Variants in RIF1 observed in about 807,000 individuals in gnomAD.
RIF1 encodes replication timing regulatory factor 1.
A neutral mutation model predicts 247.1 loss-of-function variants in RIF1; 45 were observed. The observed-to-expected ratio is 0.18, with a 90% confidence interval of 0.14 to 0.23. RIF1 has a LOEUF of 0.23. RIF1 is among the 10% of genes least tolerant of loss of function. RIF1 has a pLI of 1.00. For synonymous variants in RIF1, 1,087 were observed against 978.8 expected (o/e 1.11, Z -2.06); for missense variants, 2,967 against 2,862.5 (o/e 1.04, Z -0.83).
Position 151,465,180 on chromosome 2 carries a change from C to T in RIF1, c.5660C>T (p.Thr1887Ile), listed in dbSNP as rs1214758614. 1 of 1,612,888 alleles carries T rather than the reference C, an allele frequency of 6.2e-7. No individual in the cohort carries two copies. The highest frequency in any genetic ancestry group is 8.5e-7 in the Non-Finnish European group (1 of 1,179,780). ...LETKEEKPEETPKMELSLENV... is the reference protein window; with the variant it reads ...LETKEEKPEEIPKMELSLENV... ...ACAAAAGAAGAAAAACCAGAAGAAA[C>T]CCCAAAAATGGAACTGAGTCTAGAG... The change falls in exon 30 of 36, where the codon ACC (threonine) becomes ATC (isoleucine). Residue 1887 changes from threonine to isoleucine, a missense_variant. By Grantham distance (89) the Thr-to-Ile change is moderately conservative. Transcript: ENST00000444746.
At chr2:151,467,802 T>C (rs1184213169) in intron 30 of RIF1, among the ~76,000 whole-genome samples, 198 bp from the exon 31 acceptor site, 1 of 152,118 alleles carries the variant, frequency 6.6e-6, no homozygotes, top group Non-Finnish European at 1.5e-5. Flanking sequence ...GTTTAAAATA[T>C]AGAAAATTAG....
At chr2:151,498,306 G>C in intron 10 of RIF1, 1 of 1,551,478 alleles carries the variant, frequency 6.4e-7, no homozygotes, top group Non-Finnish European at 8.7e-7. Flanking sequence ...CATCTCAGGA[G>C]TGATGGGGAT....
chr2:151,509,494 G>A (rs2072255931), downstream of RIF1, among the ~76,000 whole-genome samples: 2 of 152,196 alleles, frequency 1.3e-5, no homozygotes, highest in South Asian at 4.1e-4. Flanking sequence ...CACAGAACTT[G>A]GATGTATTCT....
chr2:151,524,576 G>T, the RIF1 span: 1 of 1,611,426 alleles, frequency 6.2e-7, no homozygotes, highest in Non-Finnish European at 8.5e-7. Flanking sequence ...AGCCACTGTG[G>T]TGTAATGCAG....
chr2:151,534,195 G>A, the RIF1 span: 57 of 1,597,238 alleles, frequency 3.6e-5, no homozygotes, highest in East Asian at 8.9e-5. Context: ...CTGGGCCACC[G>A]GCCAGCCCCA....
rs758426581 is a variant in RIF1, at chr2:151,494,191, T to C, written c.*416-1038T>C. On this transcript the variant is annotated intron_variant and NMD_transcript_variant, in intron 9 of 13. Coordinates refer to the RIF1 transcript ENST00000454583. The stretch of plus-strand genomic sequence containing the variant: ...TAATGTTTTCTTGATTGCGTTTGAC[T>C]CTCTGCATCTCAGGAGTGACAGGGG... The C allele has an allele frequency of 2.2e-5, 35 of 1,608,232 alleles. No homozygotes were observed. The highest frequency in any genetic ancestry group is 4.5e-5 in the South Asian group (4 of 89,688).
At chr2:151,435,384 G>T in intron 10 of RIF1, 79 bp from the exon 11 acceptor site, 1 of 816,784 alleles carries the variant, frequency 1.2e-6, no homozygotes, top group Admixed American at 2.1e-5. Flanking sequence ...TCCATTTAAT[G>T]AAATTTATAT....
At chr2:151,496,436 G>A (rs2060217404) in intron 10 of RIF1, 10 of 1,521,664 alleles carry the variant, frequency 6.6e-6, no homozygotes, top group Non-Finnish European at 8.9e-6. Flanking sequence ...AGGTTTTAAG[G>A]GTAAGGTCAA....
rs781763705 is a variant in RIF1 at position 151,464,118 on chromosome 2, G to A, written c.4598G>A (p.Arg1533Gln). ...DKSSEKLVRG[R>Q]TRYQTRRASQ... ...TCCTCTGAGAAACTAGTCAGAGGCC[G>A]AACACGGTATCAAACTAGAAGAGCA... The change falls in exon 30 of 36, where the codon CGA (arginine) becomes CAA (glutamine). Residue 1533 changes from arginine (R) to glutamine (Q), a missense_variant. Physicochemically the swap from Arg to Gln is conservative, Grantham distance 43. Coordinates refer to ENST00000444746, the MANE Select transcript of RIF1 (RefSeq NM_018151.5). The A allele has an allele frequency of 8.7e-6, 14 of 1,612,068 alleles. No individual in the cohort carries two copies. The highest frequency in any genetic ancestry group is 5.5e-5 in the South Asian group (5 of 90,662).
At position 151,481,052 on chromosome 2, in the gene RIF1, C is replaced by T. The variant is rs2049148783; in HGVS notation, c.*5981C>T. 6.6e-6 allele frequency: 1 copy of T among 152,126 alleles called. No individual in the cohort carries two copies. The highest frequency in any genetic ancestry group is 1.5e-5 in the Non-Finnish European group (1 of 68,010). The allele number at this position is 152,126 out of a possible 1,614,324, so 9.4% of individuals were successfully genotyped here. ...ATAAAGTTTTATTGGAACAGCTGTG[C>T]TTATTGTCTTTAGCTGCTTTCCTGG... On this transcript the variant is annotated 3_prime_UTR_variant, in exon 36 of 36. Transcript: ENST00000444746.
At chr2:151,483,249 A>G (rs762409754), downstream of RIF1, 3 of 152,042 alleles carry the variant, frequency 2.0e-5, no homozygotes, top group Non-Finnish European at 4.4e-5. Flanking sequence ...GATATATACA[A>G]AGGACTTCCC....
chr2:151,424,825 A>ATTTTTTTTTTTTTTTTTTTTTTT (rs71000475), intron 8 of RIF1, among the ~76,000 whole-genome samples: 1 of 47,272 alleles, frequency 2.1e-5, no homozygotes, highest in African/African-American at 8.0e-5. Flanking sequence ...AGCCCGGCTG[A>ATTTTTTTTTTTTTTTTTTTTTTT]TTTTTTTTTT....
intron 34 of RIF1, among the ~76,000 whole-genome samples, chr2:151,472,040 T>A (rs1349753525): frequency 6.6e-6 from 1 of 151,882 alleles, no homozygotes; most frequent in African/African-American, 2.4e-5. Flanking sequence ...TCCTCTTTTA[T>A]TTCATTGAGC....
chr2:151,461,054 T>C (rs994434667), intron 26 of RIF1, 84 bp from the exon 27 acceptor site: 10 of 1,228,720 alleles, frequency 8.1e-6, no homozygotes, highest in Non-Finnish European at 1.2e-5. Flanking sequence ...AAAAATGGTG[T>C]CATTATTAGA....
intron 9 of RIF1, among the ~76,000 whole-genome samples, chr2:151,432,282 T>G (rs1320698989): frequency 6.6e-6 from 1 of 152,200 alleles, no homozygotes. Flanking sequence ...AGTGCCAGGA[T>G]TATAGGCGTG....
chr2:151,499,405 A>G (rs776298641), exon 11 of RIF1: 4 of 1,452,514 alleles, frequency 2.8e-6, no homozygotes, highest in South Asian at 1.2e-5. Context: ...ATGACACAAG[A>G]AAGCATCCAG....
chr2:151,463,699 A>G lies in RIF1; in HGVS notation c.4179A>G (p.Ile1393Met), dbSNP rs1696521036. The G allele has an allele frequency of 6.2e-7, 1 of 1,613,990 alleles. No individual in the cohort carries two copies. The highest frequency in any genetic ancestry group is 1.3e-5 in the African/African-American group (1 of 75,068). ...ESKENTPPVV[I>M]SADQMVNEDS... ...AAGAGAATACACCCCCAGTAGTAATATCAGCAGATCAAATGGTAAATGAGG... is the reference window on the plus strand; with the variant it reads ...AAGAGAATACACCCCCAGTAGTAATGTCAGCAGATCAAATGGTAAATGAGG... The change falls in exon 30 of 36, where the codon ATA (isoleucine) becomes ATG (methionine). Residue 1393 changes from isoleucine to methionine, a missense_variant. Coordinates refer to ENST00000444746, the MANE Select transcript of RIF1 (RefSeq NM_018151.5).
At chr2:151,467,090 C>G (rs1448621999) in intron 30 of RIF1, among the ~76,000 whole-genome samples, 1 of 152,006 alleles carries the variant, frequency 6.6e-6, no homozygotes, top group East Asian at 2.0e-4. Context: ...TTAGCTGGGC[C>G]TGGTGGCGCA....
At chr2:151,527,357 C>T in the RIF1 span, 41 of 832,168 alleles carry the variant, frequency 4.9e-5, 1 homozygote, top group East Asian at 3.5e-4. Flanking sequence ...CCATCCTCCT[C>T]TCCTTCTCGG....
Sources: gnomAD v4.1 joint callset for allele counts (sites outside exome capture counted in the v4.1 genomes callset) on GRCh38, gnomAD v4.1.1 for gene constraint, MANE v1.5 for transcripts, NCBI Gene and HGNC (gene_info 2026-07-23, HGNC 2026-07-21) for gene names.